Variants in SLC25A40 observed in about 807,000 individuals in gnomAD.
SLC25A40 encodes the protein mitochondrial glutathione transporter SLC25A40.
Under a neutral mutation model 46.5 loss-of-function variants are expected in SLC25A40, and 41 were observed. The observed-to-expected ratio is 0.88, with a 90% CI of 0.69 to 1.14. SLC25A40 has a LOEUF of 1.14. Among genes scored for constraint, SLC25A40 ranks in the 50% most tolerant of loss-of-function variants. The pLI is 0.00. For synonymous variants in SLC25A40, 126 were observed against 127.5 expected, an observed-to-expected ratio of 0.99 and a Z score of 0.08; for missense variants, 386 against 393.6, an observed-to-expected ratio of 0.98 and a Z score of 0.16.
intron 1 of SLC25A40, among the ~76,000 whole-genome samples, chr7:87,865,066 T>C (rs1447079602): frequency 6.6e-6 from 1 of 151,770 alleles, no homozygotes; most frequent in African/African-American, 2.4e-5. Context: ...AACCTCAAAC[T>C]GCCAGGCTCC....
chr7:87,836,639 C>A, intron 11 of SLC25A40, 91 bp downstream of exon 11: 1 of 722,834 alleles, frequency 1.4e-6, no homozygotes, highest in Non-Finnish European at 2.2e-6. Flanking sequence ...TAGTATGTTA[C>A]CTATAACTTC....
At chr7:87,847,180 A>ATTAAAAATTTT in intron 7 of SLC25A40, 58 bp from the exon 8 acceptor site, 4 of 1,213,028 alleles carry the variant, frequency 3.3e-6, no homozygotes, top group Non-Finnish European at 4.4e-6. Context: ...CTATGCAAAC[A>ATTAAAAATTTT]CATATACTGT....
rs17251827 is a variant in SLC25A40 at position 87,842,986 on chromosome 7, T to G, written c.741+768A>C. Among the ~76,000 whole-genome samples the G allele has an allele frequency of 1.0e-2, 1,515 of 152,124 alleles. 10 individuals carry two copies. Among genetic ancestry groups the G allele is most frequent in the Non-Finnish European group, 0.013 (856 of 67,946 alleles). Reference sequence around the variant, plus strand: ...AGACCTGGGAATATTTATATCTAAGTTTTAAAGTCAACTGCTGTGGCTTCC... The same window carrying G: ...AGACCTGGGAATATTTATATCTAAGGTTTAAAGTCAACTGCTGTGGCTTCC... On this transcript the variant is annotated intron_variant, in intron 9 of 11. Coordinates refer to ENST00000341119, the MANE Select transcript of SLC25A40 (RefSeq NM_018843.4).
In SLC25A40 at chr7:87,858,661, A is replaced by C; in HGVS notation, c.67T>G (p.Cys23Gly). 1.2e-6 allele frequency: 2 copies of C among 1,611,136 alleles called. No homozygotes were observed. The highest frequency in any genetic ancestry group is 1.7e-6 in the Non-Finnish European group (2 of 1,177,310). ...VTPLQQMLASCTGAILTSVIV... is the reference protein window; with the variant it reads ...VTPLQQMLASGTGAILTSVIV... ...ACTGATGTCAGTATAGCTCCAGTAC[A>C]TGAGGCAAGCATTTGTTGAAGAGGT... is the stretch of plus-strand genomic sequence containing the variant. Residue 23 changes from cysteine to glycine, a missense_variant, in exon 3 of 12, where the codon TGT (cysteine) becomes GGT (glycine). Cys to Gly is a radical substitution (Grantham distance 159). Transcript: ENST00000341119.
At chr7:87,840,428 A>G (rs921302857) in intron 10 of SLC25A40, among the ~76,000 whole-genome samples, 2 of 151,770 alleles carry the variant, frequency 1.3e-5, no homozygotes, top group African/African-American at 4.8e-5. Context: ...CCCAAACTTT[A>G]GTGTGCATTA....
chr7:87,854,506 A>C (rs1838572649), intron 4 of SLC25A40, among the ~76,000 whole-genome samples, 196 bp from the exon 5 acceptor site: 1 of 152,200 alleles, frequency 6.6e-6, no homozygotes, highest in Admixed American at 6.5e-5. Flanking sequence ...TGCTACTGCA[A>C]TGCATTCTAA....
intron 1 of SLC25A40, among the ~76,000 whole-genome samples, chr7:87,870,497 A>AC: frequency 6.6e-6 from 1 of 152,252 alleles, no homozygotes; most frequent in African/African-American, 2.4e-5. Flanking sequence ...CCCAGTGAGG[A>AC]CCCCACCCTC....
chr7:87,851,807 A>G (rs1477126535), intron 5 of SLC25A40, among the ~76,000 whole-genome samples: 2 of 152,238 alleles, frequency 1.3e-5, no homozygotes, highest in Admixed American at 6.5e-5. Context: ...CAATGACAGA[A>G]AAAGACAGCT....
chr7:87,871,333 G>A (rs192626806), intron 1 of SLC25A40, among the ~76,000 whole-genome samples: 278 of 152,294 alleles, frequency 1.8e-3, no homozygotes, highest in African/African-American at 6.5e-3. Flanking sequence ...AGACCAACAA[G>A]CCAAAGGAAA....
intron 2 of SLC25A40, among the ~76,000 whole-genome samples, chr7:87,859,579 C>T (rs1029020235): frequency 6.6e-6 from 1 of 152,110 alleles, no homozygotes; most frequent in African/African-American, 2.4e-5. Flanking sequence ...ATCAAACACA[C>T]GTACACTTAT....
chr7:87,847,993 A>G lies in SLC25A40; in HGVS notation c.333-16T>C. The stretch of plus-strand genomic sequence containing the variant: ...TGCCATCACTCTGTTAGATCACACA[A>G]AAAGATTTGTTCAAAATTATCAAAA... On this transcript the variant is annotated splice_polypyrimidine_tract_variant and intron_variant, in intron 6 of 11. Coordinates refer to ENST00000341119, the MANE Select transcript of SLC25A40 (RefSeq NM_018843.4). 1.3e-6 allele frequency: 2 copies of G among 1,589,824 alleles called. No homozygotes were observed. The highest frequency in any genetic ancestry group is 2.3e-5 in the East Asian group (1 of 44,118).
chr7:87,867,288 C>T (rs948463302), intron 1 of SLC25A40, among the ~76,000 whole-genome samples: 3 of 152,112 alleles, frequency 2.0e-5, no homozygotes, highest in Non-Finnish European at 4.4e-5. Context: ...AATCTTCATT[C>T]CTTTTCATTC....
In SLC25A40 at chr7:87,836,143, A is replaced by G; in HGVS notation, c.*106T>C. 1.7e-6 allele frequency: 1 copy of G among 587,552 alleles called. No homozygotes were observed. Among genetic ancestry groups the G allele is most frequent in the South Asian group, 2.6e-5 (1 of 39,208 alleles). 36.4% of individuals were successfully genotyped at this position (587,552 alleles called of 1,614,324 possible). On this transcript the variant is annotated 3_prime_UTR_variant, in exon 12 of 12. Coordinates refer to ENST00000341119, the MANE Select transcript of SLC25A40 (RefSeq NM_018843.4). ...AAATTATTTATTTAAATTATAGGAA[A>G]GAAAGACATAAAATCATTGTGAGAG... is the stretch of plus-strand genomic sequence containing the variant.
At chr7:87,842,503 T>C (rs1838351581) in intron 9 of SLC25A40, among the ~76,000 whole-genome samples, 1 of 152,132 alleles carries the variant, frequency 6.6e-6, no homozygotes, top group South Asian at 2.1e-4. Context: ...AAATCACTTA[T>C]ATTTTATTTC....
chr7:87,865,911 A>C (rs1338537248), intron 1 of SLC25A40, among the ~76,000 whole-genome samples: 1 of 152,030 alleles, frequency 6.6e-6, no homozygotes, highest in African/African-American at 2.4e-5. Context: ...GTGAAACCCC[A>C]TCTCTACAAA....
At chr7:87,861,692 T>C (rs1838701026) in intron 1 of SLC25A40, among the ~76,000 whole-genome samples, 1 of 152,154 alleles carries the variant, frequency 6.6e-6, no homozygotes, top group African/African-American at 2.4e-5. Flanking sequence ...AATATATGTA[T>C]GCTAGAATAT....
intron 1 of SLC25A40, among the ~76,000 whole-genome samples, chr7:87,870,019 G>A (rs558340786): frequency 2.0e-5 from 3 of 151,872 alleles, no homozygotes; most frequent in Non-Finnish European, 4.4e-5. Context: ...AAATCTCATT[G>A]TGGTATTACT....
At chr7:87,859,956 G>C (rs1838673044) in intron 2 of SLC25A40, 1 of 152,114 alleles carries the variant, frequency 6.6e-6, no homozygotes, top group Non-Finnish European at 1.5e-5. Context: ...AGCACTTTGG[G>C]AGGCCAAGGC....
Position 87,873,429 on chromosome 7 carries a change from C to CTTTT in SLC25A40, c.-94+2663_-94+2666dup, listed in dbSNP as rs573186397. On this transcript the variant is annotated intron_variant, in intron 1 of 11. Coordinates refer to ENST00000341119, the MANE Select transcript of SLC25A40 (RefSeq NM_018843.4). ...GTAAATTCTAGCATAGAAAGGTTAA[C>CTTTT]TTTTTTTTTTTTTTTTTTTTTGAGA... is the stretch of plus-strand genomic sequence containing the variant. 1.2e-4 allele frequency among the ~76,000 whole-genome samples: 15 copies of CTTTT among 125,680 alleles called. 1 individual carries two copies. Among genetic ancestry groups the CTTTT allele is most frequent in the African/African-American group, 2.2e-4 (7 of 31,336 alleles). The allele number at this position is 125,680 out of a possible 152,430, so 82.5% of individuals were successfully genotyped here.
Sources: allele counts gnomAD v4.1 joint callset (sites outside exome capture counted in the v4.1 genomes callset), GRCh38; gene constraint gnomAD v4.1.1; transcripts MANE v1.5; gene names NCBI Gene and HGNC (gene_info 2026-07-23, HGNC 2026-07-21).